PCNT: variants seen among roughly 807,000 people sequenced by gnomAD.
PCNT encodes the protein kendrin.
A neutral mutation model predicts 380.4 loss-of-function variants in PCNT; 319 were observed. The observed-to-expected ratio is 0.84, with a 90% CI of 0.77 to 0.92. The LOEUF (loss-of-function observed/expected upper bound fraction) is 0.92, where lower values mean the gene tolerates loss of function less well. Ranked by LOEUF, PCNT falls within the 40% of genes least tolerant of loss-of-function variation. PCNT has a pLI of 0.00. For synonymous variants in PCNT, 1,845 were observed against 1,735.2 expected, an observed-to-expected ratio of 1.06 and a Z score of -1.57; for missense variants, 4,400 against 4,255.3, an observed-to-expected ratio of 1.03 and a Z score of -0.95.
intron 30 of PCNT, among the ~76,000 whole-genome samples, chr21:46,417,717 A>G (rs9979126): frequency 0.36 from 54,717 of 151,520 alleles, 10,557 homozygotes; most frequent in Middle Eastern, 0.5. Context: ...GCTGGGTAAC[A>G]CGGTGAGACC....
rs1416753602 is a variant in PCNT at position 46,398,058 on chromosome 21, G to A, written c.4491G>A (p.Gln1497=). The A allele has an allele frequency of 3.1e-6, 5 of 1,597,610 alleles. No homozygotes were observed. The highest frequency in any genetic ancestry group is 3.4e-6 in the Non-Finnish European group (4 of 1,173,172). Residue 1497 remains glutamine (Q), a synonymous_variant, in exon 23 of 47, where the codon CAG becomes CAA. Transcript: ENST00000359568. The stretch of plus-strand genomic sequence containing the variant: ...AGCACGAGCGCGAGGAGTTCCAGCA[G>A]GAGATTCAGAGGCTGGAGGGGCAGC... The part of the protein sequence containing the change: ...EREHEREEFQ[Q]EIQRLEGQLR...
At chr21:46,444,557 C>T in intron 45 of PCNT, 137 bp from the exon 46 acceptor site, 1 of 849,356 alleles carries the variant, frequency 1.2e-6, no homozygotes, top group Non-Finnish European at 1.9e-6. Context: ...GAAACGGCCC[C>T]AGAGTCACCC....
At chr21:46,372,486 G>T (rs2085185331) in intron 15 of PCNT, among the ~76,000 whole-genome samples, 1 of 152,180 alleles carries the variant, frequency 6.6e-6, no homozygotes, top group African/African-American at 2.4e-5. Context: ...TCTGTGTTCT[G>T]GGTCTGTACG....
At chr21:46,348,889 G>C (rs1446627465) in intron 6 of PCNT, 123 bp from the exon 7 acceptor site, 2 of 694,248 alleles carry the variant, frequency 2.9e-6, no homozygotes, top group Non-Finnish European at 5.1e-6. Context: ...GCCTCTCAAA[G>C]TGCTGGGATT....
intron 9 of PCNT, among the ~76,000 whole-genome samples, chr21:46,352,039 C>T (rs188538484): frequency 1.3e-5 from 2 of 152,364 alleles, no homozygotes; most frequent in East Asian, 1.9e-4. Flanking sequence ...CCAGGCCCCC[C>T]ATTCCGTGTC....
chr21:46,352,439 C>T (rs1051712792), intron 9 of PCNT, among the ~76,000 whole-genome samples: 5 of 152,136 alleles, frequency 3.3e-5, no homozygotes, highest in Non-Finnish European at 5.9e-5. Context: ...CCGCGGGCTC[C>T]GGCTCTGGCT....
In PCNT at chr21:46,422,285, G is replaced by A. The variant is rs146305659; in HGVS notation, c.7179+161G>A. Among the ~76,000 whole-genome samples the A allele has an allele frequency of 3.8e-3, 572 of 152,270 alleles. 5 individuals carry two copies. The highest frequency in any genetic ancestry group is 6.9e-3 in the Non-Finnish European group (472 of 68,016). On this transcript the variant is annotated intron_variant, in intron 32 of 46. Transcript: ENST00000359568. ...AATGACTCACGGGAGGCAGCCCCAC[G>A]GTGGCCCCGGAAGCCGCCCACCCAG...
At chr21:46,409,537 T>C (rs2086719480) in intron 27 of PCNT, among the ~76,000 whole-genome samples, 1 of 152,190 alleles carries the variant, frequency 6.6e-6, no homozygotes, top group Non-Finnish European at 1.5e-5. Flanking sequence ...CCAATTTTCC[T>C]GAGAAATTTC....
chr21:46,426,024 G>A, intron 33 of PCNT, 53 bp downstream of exon 33: 3 of 1,585,574 alleles, frequency 1.9e-6, no homozygotes, highest in Non-Finnish European at 2.6e-6. Context: ...GGAGCTTGTG[G>A]TAATGGCCGC....
At chr21:46,379,030 TTA>T (rs2085422116) in intron 15 of PCNT, among the ~76,000 whole-genome samples, 1 of 152,210 alleles carries the variant, frequency 6.6e-6, no homozygotes, top group Non-Finnish European at 1.5e-5. Flanking sequence ...GTCTGGTGCC[TTA>T]TGTTTCAGCC....
At chr21:46,398,279 G>A (rs1335858275) in intron 24 of PCNT, 24 bp downstream of exon 24, 2 of 1,592,856 alleles carry the variant, frequency 1.3e-6, no homozygotes, top group Non-Finnish European at 1.7e-6. Flanking sequence ...AACGAGATGG[G>A]CACTCCCTGC....
In PCNT at chr21:46,346,805, G is replaced by A. The variant is rs538213654; in HGVS notation, c.783G>A (p.Gln261=). 18 of 1,597,578 alleles carry A rather than the reference G, an allele frequency of 1.1e-5. No homozygotes were observed. Among genetic ancestry groups the A allele is most frequent in the Non-Finnish European group, 1.5e-5 (18 of 1,173,334 alleles). Residue 261 remains glutamine, a synonymous_variant, in exon 5 of 47, where the codon CAG becomes CAA. Transcript: ENST00000359568. ...RLSLSNMHTA[Q]LELTQANLQK... The stretch of plus-strand genomic sequence containing the variant: ...GTCTGAGCAACATGCACACGGCGCA[G>A]CTGGAGCTGACACAGGCCAACCTCC...
chr21:46,413,852 T>C (rs2086901896), intron 29 of PCNT, among the ~76,000 whole-genome samples: 2 of 152,162 alleles, frequency 1.3e-5, no homozygotes, highest in East Asian at 1.9e-4. Flanking sequence ...GGTGGAGATT[T>C]AGCGAGAAAA....
chr21:46,398,981 C>T lies in PCNT; in HGVS notation c.4585-609C>T, dbSNP rs188919719. 2.9e-3 allele frequency among the ~76,000 whole-genome samples: 445 copies of T among 151,862 alleles called. 3 individuals carry two copies. Among genetic ancestry groups the T allele is most frequent in the African/African-American group, 0.01 (422 of 41,394 alleles). On this transcript the variant is annotated intron_variant, in intron 24 of 46. Coordinates refer to ENST00000359568, the MANE Select transcript of PCNT (RefSeq NM_006031.6). ...ACTACAGGTGCCCGCCACCACACCC[C>T]GCTAATTTTTTGTATTTTTAGTAGA...
chr21:46,381,311 A>T (rs2085531748), intron 15 of PCNT, among the ~76,000 whole-genome samples: 1 of 151,850 alleles, frequency 6.6e-6, no homozygotes, highest in Non-Finnish European at 1.5e-5. Context: ...TTAATCTTTT[A>T]AAAGGGAAGG....
chr21:46,349,630 C>T, intron 7 of PCNT, 54 bp from the exon 8 acceptor site: 1 of 1,586,002 alleles, frequency 6.3e-7, no homozygotes, highest in Non-Finnish European at 8.7e-7. Flanking sequence ...ACTGAGGTCG[C>T]TGTTGAGGAG....
intron 38 of PCNT, 78 bp downstream of exon 38, chr21:46,432,293 C>T (rs549091120): frequency 1.3e-5 from 18 of 1,399,198 alleles, no homozygotes; most frequent in South Asian, 2.5e-5. Context: ...ACGTGGGGGA[C>T]GCGAGATTTA....
chr21:46,403,107 C>T (rs2086483929), intron 27 of PCNT, among the ~76,000 whole-genome samples: 1 of 152,072 alleles, frequency 6.6e-6, no homozygotes, highest in Non-Finnish European at 1.5e-5. Context: ...GTGTGTGGTG[C>T]CCACACAACA....
intron 27 of PCNT, among the ~76,000 whole-genome samples, chr21:46,409,183 CTTTT>C (rs1024177369): frequency 8.1e-6 from 1 of 123,218 alleles, no homozygotes; most frequent in African/African-American, 2.8e-5. Context: ...CAGAGCAAAA[CTTTT>C]TACTTTTTTT....
Sources: gnomAD v4.1 joint callset for allele counts (sites outside exome capture counted in the v4.1 genomes callset) on GRCh38, gnomAD v4.1.1 for gene constraint, MANE v1.5 for transcripts, NCBI Gene and HGNC (gene_info 2026-07-23, HGNC 2026-07-21) for gene names.